The following FHIT variants were observed in gnomAD, a reference collection of about 807,000 sequenced individuals.
FHIT encodes the protein fragile histidine triad diadenosine triphosphatase, also known as bis(5'-adenosyl)-triphosphatase.
In FHIT, 19 loss-of-function variants were observed where a neutral mutation model predicts 17.9. The ratio of observed to expected loss-of-function variants is 1.06; its 90% CI spans 0.74 to 1.56. The LOEUF is 1.56. FHIT is among the 40% of genes most tolerant of loss of function. The pLI, the probability that FHIT is intolerant of heterozygous loss-of-function variation, is 0.00. For synonymous variants in FHIT, 81 were observed against 69.7 expected, an observed-to-expected ratio of 1.16 and a Z score of -0.81; for missense variants, 248 against 189.2, an observed-to-expected ratio of 1.31 and a Z score of -1.82.
At chr3:60,591,996 A>G (rs1426184094) in intron 4 of FHIT, among the ~76,000 whole-genome samples, 5 of 152,074 alleles carry the variant, frequency 3.3e-5, no homozygotes, top group African/African-American at 1.2e-4. Flanking sequence ...AGTGTGTTTC[A>G]GAATTTAAGG....
intron 8 of FHIT, among the ~76,000 whole-genome samples, chr3:59,824,402 T>C (rs373491548): frequency 3.3e-5 from 5 of 152,234 alleles, no homozygotes; most frequent in African/African-American, 7.2e-5. Context: ...GATGTGTATA[T>C]TGAAAGCAAC....
At chr3:61,174,003 C>T (rs551141735) in intron 2 of FHIT, among the ~76,000 whole-genome samples, 1 of 152,170 alleles carries the variant, frequency 6.6e-6, no homozygotes, top group Admixed American at 6.5e-5. Context: ...GAATCTTGAC[C>T]TGCAGTAATT....
In FHIT at chr3:61,203,792, C is replaced by G. The variant is rs528678472; in HGVS notation, c.-212-3127G>C. Among the ~76,000 whole-genome samples, 227 of 152,306 alleles carry G rather than the reference C, an allele frequency of 1.5e-3. 7 individuals carry two copies. The South Asian group carries it at 0.046, about 31-fold the overall frequency. Reference sequence around the variant, plus strand: ...TACTACTTAAGGCATTAAAGATATGCACTAAAACTACTGATTAACTTGTTA... The same window carrying G: ...TACTACTTAAGGCATTAAAGATATGGACTAAAACTACTGATTAACTTGTTA... On this transcript the variant is annotated intron_variant, in intron 1 of 9. Coordinates refer to ENST00000492590, the MANE Select transcript of FHIT (RefSeq NM_002012.4).
intron 4 of FHIT, among the ~76,000 whole-genome samples, chr3:60,613,490 C>A (rs1474345789): frequency 2.6e-5 from 4 of 152,060 alleles, no homozygotes; most frequent in African/African-American, 9.7e-5. Context: ...AACATGAAAA[C>A]CCTAGCTCCT....
At chr3:61,111,959 C>T (rs2036171156) in intron 2 of FHIT, among the ~76,000 whole-genome samples, 1 of 152,134 alleles carries the variant, frequency 6.6e-6, no homozygotes, top group Non-Finnish European at 1.5e-5. Flanking sequence ...AGCCTCTATG[C>T]GTGGTGCTTT....
chr3:60,141,528 A>T (rs1343594918), intron 5 of FHIT, among the ~76,000 whole-genome samples: 1 of 152,182 alleles, frequency 6.6e-6, no homozygotes, highest in Non-Finnish European at 1.5e-5. Flanking sequence ...TCTCATCTAA[A>T]ATGGCCTTTG....
intron 4 of FHIT, among the ~76,000 whole-genome samples, chr3:60,601,121 G>A (rs2107713319): frequency 6.6e-6 from 1 of 152,282 alleles, no homozygotes; most frequent in South Asian, 2.1e-4. Context: ...CCCAAAGACT[G>A]CAACAATGCT....
chr3:60,287,645 T>C (rs1316398220), intron 5 of FHIT, among the ~76,000 whole-genome samples: 1 of 152,136 alleles, frequency 6.6e-6, no homozygotes, highest in Non-Finnish European at 1.5e-5. Flanking sequence ...GGGGATCAAG[T>C]GTGGAAAGAG....
intron 3 of FHIT, among the ~76,000 whole-genome samples, chr3:60,995,696 C>G (rs1050951554): frequency 6.6e-6 from 1 of 152,196 alleles, no homozygotes; most frequent in Non-Finnish European, 1.5e-5. Context: ...CTTTAGGTCT[C>G]TCTGGAATAT....
chr3:61,101,938 C>A (rs2035843918), intron 2 of FHIT, among the ~76,000 whole-genome samples: 1 of 152,158 alleles, frequency 6.6e-6, no homozygotes, highest in Non-Finnish European at 1.5e-5. Context: ...TGCTTATCAG[C>A]TTAAGGAGAT....
chr3:60,549,763 G>T (rs1173843411), intron 4 of FHIT, among the ~76,000 whole-genome samples: 1 of 152,148 alleles, frequency 6.6e-6, no homozygotes, highest in Non-Finnish European at 1.5e-5. Flanking sequence ...CAACCAGGAA[G>T]TCAGACACAA....
In FHIT at chr3:60,842,630, T is replaced by C. The variant is rs200858579; in HGVS notation, c.-110-20619A>G. Among the ~76,000 whole-genome samples the C allele has an allele frequency of 3.3e-4, 3 of 9,216 alleles. No individual in the cohort carries two copies. In the Admixed American group the frequency reaches 4.7e-3, roughly 14 times the overall value. 6.0% of individuals were successfully genotyped at this position (9,216 alleles called of 152,430 possible). On this transcript the variant is annotated intron_variant, in intron 3 of 9. Coordinates refer to ENST00000492590, the MANE Select transcript of FHIT (RefSeq NM_002012.4). ...ATATATATACATATATATATGAGTG[T>C]ATATATATATATATATTTTTTTTTT...
chr3:60,538,791 C>G (rs1189412233), intron 4 of FHIT, among the ~76,000 whole-genome samples: 1 of 152,106 alleles, frequency 6.6e-6, no homozygotes, highest in Non-Finnish European at 1.5e-5. Context: ...AAAAGTAATT[C>G]AAGATGGATT....
chr3:60,884,910 CAA>C (rs71092651), intron 3 of FHIT, among the ~76,000 whole-genome samples: 17 of 110,184 alleles, frequency 1.5e-4, no homozygotes, highest in African/African-American at 1.8e-4. Context: ...GACCCTTTCT[CAA>C]AAAAAAAAAA....
At position 60,832,698 on chromosome 3, in the gene FHIT, A is replaced by G. The variant is rs150637733; in HGVS notation, c.-110-10687T>C. Among the ~76,000 whole-genome samples, 285 of 152,216 alleles carry G rather than the reference A, an allele frequency of 1.9e-3. 4 individuals are homozygous for G. The highest frequency in any genetic ancestry group is 6.2e-3 in the African/African-American group (259 of 41,540). On this transcript the variant is annotated intron_variant, in intron 3 of 9. Coordinates refer to ENST00000492590, the MANE Select transcript of FHIT (RefSeq NM_002012.4). ...TTTAAATCAATTCATAAAAAAAAAA[A>G]AAAGCACAGAGGCACCATAAAAGTC...
intron 4 of FHIT, among the ~76,000 whole-genome samples, chr3:60,543,821 T>C (rs1247990369): frequency 2.0e-5 from 3 of 150,486 alleles, no homozygotes; most frequent in African/African-American, 4.9e-5. Flanking sequence ...CTCGGCTCAC[T>C]GTAAGCTCCG....
At chr3:60,379,650 G>A (rs1217878063) in intron 5 of FHIT, among the ~76,000 whole-genome samples, 1 of 152,076 alleles carries the variant, frequency 6.6e-6, no homozygotes, top group Non-Finnish European at 1.5e-5. Context: ...TAAGCCATTA[G>A]GGCACAGTTT....
intron 2 of FHIT, among the ~76,000 whole-genome samples, chr3:61,075,813 T>A (rs1575968151): frequency 6.6e-6 from 1 of 152,140 alleles, no homozygotes; most frequent in East Asian, 1.9e-4. Flanking sequence ...ATATAAACAT[T>A]TAAAGACATG....
intron 7 of FHIT, among the ~76,000 whole-genome samples, chr3:60,009,165 A>ATGTG (rs753809976): frequency 0.029 from 1,551 of 53,826 alleles, 28 homozygotes; most frequent in Admixed American, 0.057. Context: ...CTGGGATTTT[A>ATGTG]TGTGTGTGTG....
Sources: gnomAD v4.1 joint callset for allele counts (sites outside exome capture counted in the v4.1 genomes callset) on GRCh38, gnomAD v4.1.1 for gene constraint, MANE v1.5 for transcripts, NCBI Gene and HGNC (gene_info 2026-07-23, HGNC 2026-07-21) for gene names.